RALGAPA1: variants seen among roughly 807,000 people sequenced by gnomAD.
RALGAPA1 encodes Ral GTPase activating protein catalytic subunit alpha 1.
Under a neutral mutation model 269.6 loss-of-function variants are expected in RALGAPA1, and 52 were observed. The ratio of observed to expected loss-of-function variants is 0.19; its 90% confidence interval spans 0.15 to 0.24. The LOEUF (loss-of-function observed/expected upper bound fraction) is 0.24. Among genes scored for constraint, RALGAPA1 ranks in the 10% least tolerant of loss-of-function variants. The pLI, the probability that RALGAPA1 is intolerant of heterozygous loss-of-function variation, is 1.00. For missense variants in RALGAPA1, 1,917 were observed against 3,013.9 expected, an observed-to-expected ratio of 0.64 and a Z score of 8.52; for synonymous variants, 817 against 1,008.3, an observed-to-expected ratio of 0.81 and a Z score of 3.60.
chr14:35,699,895 CAA>C (rs34255458), intron 17 of RALGAPA1, among the ~76,000 whole-genome samples: 51 of 76,296 alleles, frequency 6.7e-4, no homozygotes, highest in Non-Finnish European at 1.0e-3. Flanking sequence ...AATCAAACAG[CAA>C]AAAAAAAAAA....
At chr14:35,573,953 A>G (rs1197086351) in intron 37 of RALGAPA1, among the ~76,000 whole-genome samples, 1 of 152,192 alleles carries the variant, frequency 6.6e-6, no homozygotes, top group Non-Finnish European at 1.5e-5. Flanking sequence ...AAATTTAACC[A>G]GGAGGGATGA....
chr14:35,689,211 G>A lies in RALGAPA1; in HGVS notation c.3200C>T (p.Ala1067Val). 1 of 1,232,858 alleles carries A rather than the reference G, an allele frequency of 8.1e-7. No homozygotes were observed. Among genetic ancestry groups the A allele is most frequent in the Non-Finnish European group, 1.0e-6 (1 of 988,542 alleles). The allele number at this position is 1,232,858 out of a possible 1,614,324, so 76.4% of individuals were successfully genotyped here. A position where few individuals can be genotyped will look rare whatever the true frequency, so the allele number is the denominator to read the frequency against. Reference protein sequence around the residue: ...KEKRKHLYRQAATELDACVDV... With the variant: ...KEKRKHLYRQVATELDACVDV... Reference sequence around the variant, plus strand: ...AACACAAGCATCTAATTCTGTGGCTGCTTGTCTGTACAGATGTTTCCTTTT... The same window carrying A: ...AACACAAGCATCTAATTCTGTGGCTACTTGTCTGTACAGATGTTTCCTTTT... The change falls in exon 18 of 42, where the codon GCA becomes GTA. Residue 1067 changes from alanine to valine, a missense_variant. Ala to Val is a moderately conservative substitution (Grantham distance 64, BLOSUM62 0). This residue lies in a region of RALGAPA1 where 615 missense variants were observed against 790.0 expected (regional missense o/e 0.78). Coordinates refer to ENST00000680220, the MANE Select transcript of RALGAPA1 (RefSeq NM_001346249.2).
chr14:35,648,077 C>T (rs1249534166), intron 31 of RALGAPA1, among the ~76,000 whole-genome samples: 3 of 151,534 alleles, frequency 2.0e-5, no homozygotes, highest in Admixed American at 6.6e-5. Context: ...GAGTTCACGA[C>T]TAGCCTGGCC....
intron 32 of RALGAPA1, among the ~76,000 whole-genome samples, chr14:35,635,006 A>C (rs1018965347): frequency 3.3e-5 from 5 of 152,066 alleles, no homozygotes; most frequent in Admixed American, 3.3e-4. Context: ...CGCTGTGTCT[A>C]CTAAAAATAC....
chr14:35,689,290 T>C lies in RALGAPA1; in HGVS notation c.3121A>G (p.Asn1041Asp). The change falls in exon 18 of 42, where the codon AAC (asparagine) becomes GAC (aspartate). Residue 1041 changes from asparagine (N) to aspartate (D), a missense_variant. Asn to Asp is a conservative substitution (Grantham distance 23, BLOSUM62 1). Transcript: ENST00000680220. ...GGCTCTGATGGCTGTTTATCAGTGT[T>C]TAGTTGCTTAGATTTTTCAGAAGTT... ...TQTSEKSKQL[N>D]TDKQPSEPSL... is the part of the protein sequence containing the mutation. The C allele has an allele frequency of 8.1e-7, 1 of 1,232,324 alleles. No homozygotes were observed. The allele number at this position is 1,232,324 out of a possible 1,614,324, so 76.3% of individuals were successfully genotyped here.
intron 31 of RALGAPA1, among the ~76,000 whole-genome samples, chr14:35,642,524 A>C (rs563062187): frequency 6.6e-6 from 1 of 152,330 alleles, no homozygotes; most frequent in South Asian, 2.1e-4. Context: ...ATATGAACAC[A>C]TATGAACTTA....
At position 35,634,674 on chromosome 14, in the gene RALGAPA1, T is replaced by C. The variant is rs754428228; in HGVS notation, c.5895A>G (p.Val1965=). The change falls in exon 33 of 42, where the codon GTA becomes GTG. Residue 1965 remains valine (V), a synonymous_variant. Transcript: ENST00000680220. ...CCAAATGCATAAAAGGATCATAATCTACAGATGCCAAATCAGAGAGGCTCA... is the reference window on the plus strand; with the variant it reads ...CCAAATGCATAAAAGGATCATAATCCACAGATGCCAAATCAGAGAGGCTCA... The part of the protein sequence containing the change: ...FPMSLSDLAS[V]DYDPFMHLES... 8.1e-6 allele frequency: 13 copies of C among 1,613,676 alleles called. No individual in the cohort carries two copies. Among genetic ancestry groups the C allele is most frequent in the Non-Finnish European group, 1.1e-5 (13 of 1,179,710 alleles).
At chr14:35,539,988 C>T (rs2053820502) in intron 41 of RALGAPA1, among the ~76,000 whole-genome samples, 1 of 152,126 alleles carries the variant, frequency 6.6e-6, no homozygotes, top group African/African-American at 2.4e-5. Flanking sequence ...GGATCCAAAG[C>T]ACCATCAGCA....
intron 39 of RALGAPA1, among the ~76,000 whole-genome samples, chr14:35,551,205 T>A (rs1363127910): frequency 2.0e-5 from 3 of 152,122 alleles, no homozygotes; most frequent in Non-Finnish European, 2.9e-5. Context: ...ACAGAGCTTT[T>A]CATTATGCCT....
At chr14:35,795,072 C>A (rs1048480187) in intron 1 of RALGAPA1, among the ~76,000 whole-genome samples, 4 of 152,108 alleles carry the variant, frequency 2.6e-5, no homozygotes, top group Non-Finnish European at 5.9e-5. Context: ...AAAACTGTTG[C>A]TTCTCGTGTG....
At chr14:35,621,000 G>A (rs1033541502) in intron 35 of RALGAPA1, among the ~76,000 whole-genome samples, 41 of 151,944 alleles carry the variant, frequency 2.7e-4, no homozygotes, top group African/African-American at 9.7e-4. Flanking sequence ...TCACAGAATT[G>A]GAAAAAAACT....
intron 34 of RALGAPA1, among the ~76,000 whole-genome samples, chr14:35,626,342 T>G (rs2060988952): frequency 1.3e-5 from 2 of 152,192 alleles, no homozygotes; most frequent in African/African-American, 4.8e-5. Flanking sequence ...TTCACTGATA[T>G]CTGAGCTTCC....
intron 35 of RALGAPA1, among the ~76,000 whole-genome samples, chr14:35,623,363 A>T (rs2060773847): frequency 6.6e-6 from 1 of 151,166 alleles, no homozygotes; most frequent in Admixed American, 6.6e-5. Flanking sequence ...ACACAGACAT[A>T]CACACACACA....
At chr14:35,803,032 T>C (rs1166371391) in intron 1 of RALGAPA1, among the ~76,000 whole-genome samples, 1 of 151,856 alleles carries the variant, frequency 6.6e-6, no homozygotes, top group Non-Finnish European at 1.5e-5. Flanking sequence ...GACCTGGCAT[T>C]TGGGAAAAAA....
rs755510156 is a variant in RALGAPA1 at position 35,770,994 on chromosome 14, A to G, written c.273T>C (p.Ile91=). 5 of 1,358,906 alleles carry G rather than the reference A, an allele frequency of 3.7e-6. No individual in the cohort carries two copies. The highest frequency in any genetic ancestry group is 5.1e-6 in the Non-Finnish European group (5 of 977,150). 84.2% of individuals were successfully genotyped at this position (1,358,906 alleles called of 1,614,324 possible). A position where few individuals can be genotyped will look rare whatever the true frequency, so the allele number is the denominator to read the frequency against. ...GAATTCTTTCTGGAAGAAGTTGTAA[A>G]ATTTTCTAAAAATCAATATAAAGAG... The part of the protein sequence containing the change: ...LDAILFIFEK[I]LQLLPERIHQ... Residue 91 remains isoleucine, a synonymous_variant, in exon 4 of 42, where the codon ATT becomes ATC. Coordinates refer to ENST00000680220, the MANE Select transcript of RALGAPA1 (RefSeq NM_001346249.2).
intron 31 of RALGAPA1, among the ~76,000 whole-genome samples, chr14:35,645,389 G>GTGTGTGTGTGTGTGTA (rs945897888): frequency 7.1e-6 from 1 of 141,258 alleles, no homozygotes; most frequent in African/African-American, 2.6e-5. Context: ...GTGTGTGTGT[G>GTGTGTGTGTGTGTGTA]TATATGTTAT....
intron 10 of RALGAPA1, chr14:35,748,381 T>C: frequency 4.0e-6 from 1 of 247,934 alleles, no homozygotes; most frequent in Non-Finnish European, 7.0e-6. Context: ...TCTCGCTCTT[T>C]TTTTTTTTTT....
intron 39 of RALGAPA1, among the ~76,000 whole-genome samples, chr14:35,562,744 G>C (rs890135838): frequency 1.1e-4 from 17 of 151,922 alleles, no homozygotes; most frequent in African/African-American, 3.9e-4. Context: ...ATCCATGGCC[G>C]GGCGTGGTGG....
intron 4 of RALGAPA1, chr14:35,766,810 A>G: frequency 2.0e-6 from 1 of 491,506 alleles, no homozygotes; most frequent in Non-Finnish European, 4.1e-6. Context: ...GTAAGGCAGT[A>G]CCATACCTGG....
Sources: gnomAD v4.1 joint callset for allele counts (sites outside exome capture counted in the v4.1 genomes callset) on GRCh38, gnomAD v4.1.1 for gene constraint, gnomAD v4.1.1 regional missense constraint, MANE v1.5 for transcripts, NCBI Gene and HGNC (gene_info 2026-07-23, HGNC 2026-07-21) for gene names.